The following CCDC30 variants were observed in gnomAD, a reference collection of about 807,000 sequenced individuals.
CCDC30 encodes the protein coiled-coil domain-containing protein 30.
CCDC30 carries 70 observed loss-of-function variants against 100.2 expected under a neutral mutation model. The observed-to-expected ratio is 0.70, with a 90% confidence interval of 0.58 to 0.85. CCDC30 has a LOEUF of 0.85. Among genes scored for constraint, CCDC30 ranks in the 40% least tolerant of loss-of-function variants. The pLI is 0.00. For synonymous variants in CCDC30, 233 were observed against 269.5 expected (o/e 0.86, Z 1.33); for missense variants, 652 against 771.2 (o/e 0.85, Z 1.83).
intron 6 of CCDC30, among the ~76,000 whole-genome samples, chr1:42,519,594 C>T (rs2148501210): frequency 6.6e-6 from 1 of 152,150 alleles, no homozygotes; most frequent in South Asian, 2.1e-4. Flanking sequence ...TCTTGTTGTC[C>T]AGGCTGGAGT....
At chr1:42,532,585 A>G (rs926330880) in intron 6 of CCDC30, among the ~76,000 whole-genome samples, 1 of 152,234 alleles carries the variant, frequency 6.6e-6, no homozygotes, top group Admixed American at 6.5e-5. Flanking sequence ...TGTCTAACAA[A>G]CATAATCTCA....
chr1:42,473,612 T>C (rs1314891812), intron 1 of CCDC30: 2 of 257,686 alleles, frequency 7.8e-6, no homozygotes, highest in African/African-American at 4.4e-5. Context: ...GACTCTTTTT[T>C]TTGAAGGCTT....
intron 11 of CCDC30, among the ~76,000 whole-genome samples, chr1:42,618,381 C>A (rs747743622): frequency 6.6e-6 from 1 of 151,986 alleles, no homozygotes; most frequent in Non-Finnish European, 1.5e-5. Flanking sequence ...GGATTACAGG[C>A]ATGTGCCACC....
chr1:42,525,092 A>AT (rs371089516), intron 6 of CCDC30, among the ~76,000 whole-genome samples: 45 of 151,990 alleles, frequency 3.0e-4, no homozygotes, highest in African/African-American at 1.0e-3. Context: ...CATTTATGAA[A>AT]TTTTTTTAGC....
chr1:42,456,199 C>T, the CCDC30 span: 1 of 623,900 alleles, frequency 1.6e-6, no homozygotes, highest in South Asian at 1.8e-5. Flanking sequence ...ACAAAACCCA[C>T]AAGTCCCACG....
At chr1:42,568,171 G>A (rs1645647418) in intron 7 of CCDC30, among the ~76,000 whole-genome samples, 1 of 152,166 alleles carries the variant, frequency 6.6e-6, no homozygotes, top group African/African-American at 2.4e-5. Flanking sequence ...CTGAAGTGCA[G>A]TGGCATGATC....
chr1:42,604,519 T>A (rs1297733808), intron 10 of CCDC30, among the ~76,000 whole-genome samples: 2 of 152,216 alleles, frequency 1.3e-5, no homozygotes, highest in African/African-American at 4.8e-5. Flanking sequence ...AGCCATTGAA[T>A]CACTGCGGAC....
chr1:42,459,374 G>C, upstream of CCDC30: 1 of 523,056 alleles, frequency 1.9e-6, no homozygotes, highest in East Asian at 3.1e-5. Context: ...ATGTTGCCCA[G>C]GCTGGTCTTG....
At chr1:42,627,444 G>A (rs1455791456) in intron 11 of CCDC30, among the ~76,000 whole-genome samples, 1 of 152,178 alleles carries the variant, frequency 6.6e-6, no homozygotes, top group African/African-American at 2.4e-5. Flanking sequence ...AGAAATTTAA[G>A]TTGGCTGCAG....
intron 12 of CCDC30, among the ~76,000 whole-genome samples, chr1:42,638,990 T>C (rs1229856301): frequency 3.3e-5 from 5 of 152,202 alleles, no homozygotes; most frequent in African/African-American, 1.2e-4. Context: ...TTATCAGTTC[T>C]TTTTCATACT....
chr1:42,536,676 A>G (rs72659956), intron 6 of CCDC30, 75 bp downstream of exon 7: 166,713 of 1,109,046 alleles, frequency 0.15, 13,259 homozygotes, highest in East Asian at 0.18. Flanking sequence ...ATTTTTAAAT[A>G]AAGTATAACT....
intron 6 of CCDC30, among the ~76,000 whole-genome samples, chr1:42,563,556 C>G (rs1158422060): frequency 6.6e-6 from 1 of 152,134 alleles, no homozygotes; most frequent in Non-Finnish European, 1.5e-5. Flanking sequence ...CACATTCTGA[C>G]TATGTATCCT....
chr1:42,514,656 T>G (rs1384250276), intron 6 of CCDC30, among the ~76,000 whole-genome samples: 1 of 152,142 alleles, frequency 6.6e-6, no homozygotes, highest in Non-Finnish European at 1.5e-5. Flanking sequence ...TGTGTTTTGT[T>G]TTCGTTTTTG....
intron 6 of CCDC30, 103 bp downstream of exon 10, chr1:42,556,508 T>A (rs547553111): frequency 3.4e-5 from 44 of 1,312,876 alleles, no homozygotes; most frequent in Non-Finnish European, 3.2e-5. Flanking sequence ...TGTTTTTTTT[T>A]ATTTTTTTAG....
chr1:42,511,956 G>A (rs1268114189), intron 6 of CCDC30, among the ~76,000 whole-genome samples: 1 of 152,154 alleles, frequency 6.6e-6, no homozygotes, highest in Non-Finnish European at 1.5e-5. Flanking sequence ...AGAGCTGACA[G>A]CCTTGAACAG....
intron 6 of CCDC30, among the ~76,000 whole-genome samples, chr1:42,527,302 C>T (rs375678978): frequency 6.6e-6 from 1 of 152,290 alleles, no homozygotes; most frequent in African/African-American, 2.4e-5. Context: ...ATTTGTAACA[C>T]AGAAAGATGT....
exon 4 of CCDC30, chr1:42,490,206 A>C (rs1183093463): frequency 1.6e-6 from 2 of 1,212,290 alleles, no homozygotes; most frequent in East Asian, 6.3e-5. Flanking sequence ...TTGAAGGAAA[A>C]TTTGGTAAAG....
intron 3 of CCDC30, among the ~76,000 whole-genome samples, chr1:42,483,319 T>C (rs138741028): frequency 8.9e-4 from 135 of 152,356 alleles, no homozygotes; most frequent in Middle Eastern, 6.8e-3. Context: ...GTTGTCAGTT[T>C]TTGTCTATTA....
intron 10 of CCDC30, among the ~76,000 whole-genome samples, chr1:42,597,472 T>C (rs1570192169): frequency 6.6e-6 from 1 of 152,174 alleles, no homozygotes; most frequent in Non-Finnish European, 1.5e-5. Flanking sequence ...CTTCCAGCTT[T>C]TCTTCAGAAA....
Sources: allele counts gnomAD v4.1 joint callset (sites outside exome capture counted in the v4.1 genomes callset), GRCh38; gene constraint gnomAD v4.1.1; transcripts MANE v1.5; gene names NCBI Gene and HGNC (gene_info 2026-07-23, HGNC 2026-07-21).